Variants in CASZ1 observed in about 807,000 individuals in gnomAD.
CASZ1 encodes the protein castor zinc finger 1.
Under a neutral mutation model 135.2 loss-of-function variants are expected in CASZ1, and 28 were observed. The observed-to-expected ratio is 0.21, with a 90% CI of 0.15 to 0.28. The LOEUF (loss-of-function observed/expected upper bound fraction) is 0.28. Ranked by LOEUF, CASZ1 falls within the 10% of genes least tolerant of loss-of-function variation. CASZ1 has a pLI of 1.00. For synonymous variants in CASZ1, 1,068 were observed against 1,073.4 expected, an observed-to-expected ratio of 0.99 and a Z score of 0.10; for missense variants, 2,161 against 2,453.3, an observed-to-expected ratio of 0.88 and a Z score of 2.52.
intron 5 of CASZ1, among the ~76,000 whole-genome samples, chr1:10,662,068 C>T (rs1354724578): frequency 6.6e-6 from 1 of 151,274 alleles, no homozygotes; most frequent in African/African-American, 2.4e-5. Context: ...CTATAACACA[C>T]ACGCATTCTC....
At chr1:10,745,912 AG>A (rs886506202) in intron 2 of CASZ1, among the ~76,000 whole-genome samples, 1 of 151,942 alleles carries the variant, frequency 6.6e-6, no homozygotes, top group Admixed American at 6.6e-5. Flanking sequence ...GTGGATCAAG[AG>A]GGGAAAAGGA....
chr1:10,643,091 A>T (rs901618854), intron 19 of CASZ1, 69 bp downstream of exon 19: 1 of 1,595,856 alleles, frequency 6.3e-7, no homozygotes, highest in African/African-American at 1.3e-5. Context: ...CACAGGCCTG[A>T]GAGTGAGCGT....
intron 2 of CASZ1, among the ~76,000 whole-genome samples, chr1:10,760,500 G>C (rs750579237): frequency 2.6e-5 from 4 of 152,214 alleles, no homozygotes; most frequent in Non-Finnish European, 5.9e-5. Context: ...AAATGCAGGT[G>C]CCCTGCTCCC....
rs777662761 is a variant in CASZ1, at chr1:10,646,290, G to C, written c.3534C>G (p.Asn1178Lys). The C allele has an allele frequency of 6.2e-7, 1 of 1,614,192 alleles. No homozygotes were observed. Residue 1178 changes from asparagine to lysine, a missense_variant, in exon 17 of 21, where the codon AAC (asparagine) becomes AAG (lysine). Around this residue, in one of 7 missense-constraint regions of CASZ1, gnomAD observed 349 missense variants for 460.8 expected, o/e 0.76. Transcript: ENST00000377022. The surrounding 1 kb of genome is among the most constrained non-coding windows in gnomAD (Gnocchi z 6.4). ...PCLATDCKYA[N>K]KFHFHCLFGN... Reference sequence around the variant, plus strand: ...CAAAGAGACAGTGGAAGTGGAACTTGTTGGCGTACTTGCAGTCCGTGGCGA... The same window carrying C: ...CAAAGAGACAGTGGAAGTGGAACTTCTTGGCGTACTTGCAGTCCGTGGCGA...
intron 3 of CASZ1, among the ~76,000 whole-genome samples, chr1:10,696,714 G>A (rs887238171): frequency 4.6e-5 from 7 of 152,262 alleles, no homozygotes; most frequent in Non-Finnish European, 7.3e-5. Context: ...ATTTCTGGGT[G>A]CATTTGAAGA....
intron 4 of CASZ1, among the ~76,000 whole-genome samples, chr1:10,681,415 C>T (rs1638416790): frequency 6.6e-6 from 1 of 152,118 alleles, no homozygotes; most frequent in Non-Finnish European, 1.5e-5. Flanking sequence ...CCTGCCAGGC[C>T]CTCAGCACGC....
intron 4 of CASZ1, among the ~76,000 whole-genome samples, chr1:10,667,991 C>T (rs74451129): frequency 0.21 from 31,978 of 152,154 alleles, 4,175 homozygotes; most frequent in Non-Finnish European, 0.28. Context: ...CCGGCACCTG[C>T]CCTCCAGCTG....
intron 1 of CASZ1, among the ~76,000 whole-genome samples, chr1:10,768,304 G>A (rs1457278732): frequency 6.6e-6 from 1 of 152,140 alleles, no homozygotes; most frequent in East Asian, 1.9e-4. Flanking sequence ...GGCAGCCTCC[G>A]CCTGCTGGTT....
chr1:10,705,055 G>C (rs1639143641), intron 3 of CASZ1, among the ~76,000 whole-genome samples: 1 of 152,214 alleles, frequency 6.6e-6, no homozygotes, highest in African/African-American at 2.4e-5. Context: ...GGCAGGACTG[G>C]GGTTCTGGGG....
rs192900330 is a variant in CASZ1, at chr1:10,767,777, C to T, written c.-233-6920G>A. Among the ~76,000 whole-genome samples the T allele has an allele frequency of 2.6e-5, 4 of 152,340 alleles. No homozygotes were observed. Among genetic ancestry groups the T allele is most frequent in the African/African-American group, 7.2e-5 (3 of 41,574 alleles). ...GCAGAAAGGGCCACATCAGCAGGTCCGGTTGCAGCTCCCTGTCTGTCTTGC... is the reference window on the plus strand; with the variant it reads ...GCAGAAAGGGCCACATCAGCAGGTCTGGTTGCAGCTCCCTGTCTGTCTTGC... On this transcript the variant is annotated intron_variant, in intron 1 of 20. Coordinates refer to ENST00000377022, the MANE Select transcript of CASZ1 (RefSeq NM_001079843.3). The surrounding 1 kb of genome is among the most constrained non-coding windows in gnomAD (Gnocchi z 4.2).
chr1:10,769,802 C>T lies in CASZ1; in HGVS notation c.-233-8945G>A, dbSNP rs916918805. 2.6e-5 allele frequency among the ~76,000 whole-genome samples: 4 copies of T among 152,304 alleles called. No homozygotes were observed. In the South Asian group the frequency reaches 6.2e-4, roughly 24 times the overall value. ...AAAGTGCTGGGATTACAGGAGTGAG[C>T]CGCCACACCTGGCCAGAAGTAATAT... On this transcript the variant is annotated intron_variant, in intron 1 of 20. Transcript: ENST00000377022.
rs1242238777 is a variant in CASZ1 at position 10,655,678 on chromosome 1, C to T, written c.1636G>A (p.Gly546Arg). ...SVYYHGCHLN[G>R]KSTHYHCMQV... ...ATGCAGTGATAGTGGGTGCTCTTCCCATTGAGGTGGCAGCCGTGGTAGTAG... is the reference window on the plus strand; with the variant it reads ...ATGCAGTGATAGTGGGTGCTCTTCCTATTGAGGTGGCAGCCGTGGTAGTAG... Residue 546 changes from glycine to arginine, a missense_variant, in exon 9 of 21, where the codon GGG (glycine) becomes AGG (arginine). This residue lies in a region of CASZ1 where 248 missense variants were observed against 410.8 expected (regional missense o/e 0.60). Coordinates refer to ENST00000377022, the MANE Select transcript of CASZ1 (RefSeq NM_001079843.3). The T allele has an allele frequency of 1.2e-6, 2 of 1,613,908 alleles. No homozygotes were observed. Among genetic ancestry groups the T allele is most frequent in the East Asian group, 2.2e-5 (1 of 44,882 alleles).
chr1:10,674,343 G>A (rs1436824734), intron 4 of CASZ1, among the ~76,000 whole-genome samples: 2 of 152,246 alleles, frequency 1.3e-5, no homozygotes, highest in Non-Finnish European at 2.9e-5. Flanking sequence ...AGGAACCTGA[G>A]AGATGCCCGG....
At position 10,709,152 on chromosome 1, in the gene CASZ1, C is replaced by T. The variant is rs1570508501; in HGVS notation, c.-76-3608G>A. On this transcript the variant is annotated intron_variant, in intron 2 of 20. Transcript: ENST00000377022. This position sits in a 1 kb window ranked among gnomAD's most constrained non-coding sequence, Gnocchi z 5.1. The stretch of plus-strand genomic sequence containing the variant: ...ACTTGGCTTTGGAGCCTCTCACCCA[C>T]AGCTGCCCAGCTCCATATTTATGAA... 6.6e-6 allele frequency among the ~76,000 whole-genome samples: 1 copy of T among 152,178 alleles called. No homozygotes were observed. The highest frequency in any genetic ancestry group is 1.5e-5 in the Non-Finnish European group (1 of 68,022).
rs1163933654 is a variant in CASZ1 at position 10,721,349 on chromosome 1, T to C, written c.-76-15805A>G. ...GTCTCCAAATATGCAGATCATTTTC[T>C]TTAATGAAAGATGCTTGACGTCTCC... is the stretch of plus-strand genomic sequence containing the variant. On this transcript the variant is annotated intron_variant, in intron 2 of 20. Transcript: ENST00000377022. The surrounding 1 kb of genome is among the most constrained non-coding windows in gnomAD (Gnocchi z 5.4). 2.0e-5 allele frequency among the ~76,000 whole-genome samples: 3 copies of C among 152,226 alleles called. No homozygotes were observed. Among genetic ancestry groups the C allele is most frequent in the African/African-American group, 7.2e-5 (3 of 41,464 alleles).
At chr1:10,740,776 C>G (rs1443931084) in intron 2 of CASZ1, among the ~76,000 whole-genome samples, 2 of 152,028 alleles carry the variant, frequency 1.3e-5, no homozygotes, top group Non-Finnish European at 2.9e-5. Context: ...CAGTGAGACC[C>G]TGTGTCTCCA....
At position 10,735,543 on chromosome 1, in the gene CASZ1, G is replaced by A. The variant is rs1241251117; in HGVS notation, c.-77+25158C>T. Among the ~76,000 whole-genome samples the A allele has an allele frequency of 6.6e-6, 1 of 152,188 alleles. No homozygotes were observed. Among genetic ancestry groups the A allele is most frequent in the Non-Finnish European group, 1.5e-5 (1 of 68,026 alleles). On this transcript the variant is annotated intron_variant, in intron 2 of 20. Coordinates refer to ENST00000377022, the MANE Select transcript of CASZ1 (RefSeq NM_001079843.3). This position sits in a 1 kb window ranked among gnomAD's most constrained non-coding sequence, Gnocchi z 5.1. ...TGGATCAAACTTTGCCTGGGGGAGG[G>A]GGTGTGCTGCAGGAAGGAGGGATGG...
intron 2 of CASZ1, among the ~76,000 whole-genome samples, chr1:10,734,945 A>C (rs918447658): frequency 8.6e-5 from 13 of 152,004 alleles, no homozygotes; most frequent in Non-Finnish European, 1.5e-4. Context: ...GTGGGGGGCC[A>C]CAAGGGCCCA....
intron 9 of CASZ1, among the ~76,000 whole-genome samples, chr1:10,654,900 T>C (rs541364709): frequency 5.9e-4 from 89 of 152,018 alleles, no homozygotes; most frequent in African/African-American, 2.1e-3. Flanking sequence ...CCTGCAGGAG[T>C]TGGATTTTGA....
Sources: allele counts gnomAD v4.1 joint callset (sites outside exome capture counted in the v4.1 genomes callset), GRCh38; gene constraint gnomAD v4.1.1; regional missense constraint gnomAD v4.1.1; non-coding constraint Gnocchi (gnomAD v3.1); transcripts MANE v1.5; gene names NCBI Gene and HGNC (gene_info 2026-07-23, HGNC 2026-07-21).